The following TANC2 variants were observed in gnomAD, a reference collection of about 807,000 sequenced individuals.
TANC2 encodes tetratricopeptide repeat, ankyrin repeat and coiled-coil containing 2, also known as protein TANC2.
A neutral mutation model predicts 210.5 loss-of-function variants in TANC2; 26 were observed. The observed-to-expected ratio is 0.12, with a 90% confidence interval of 0.09 to 0.17. The LOEUF (loss-of-function observed/expected upper bound fraction) is 0.17. TANC2 is among the 10% of genes least tolerant of loss of function. The pLI, the probability that TANC2 is intolerant of heterozygous loss-of-function variation, is 1.00. For synonymous variants in TANC2, 931 were observed against 967.1 expected (o/e 0.96, Z 0.69); for missense variants, 2,129 against 2,608.9 (o/e 0.82, Z 4.01).
At chr17:62,972,651 A>G (rs1175705071) in intron 1 of TANC2, among the ~76,000 whole-genome samples, 1 of 152,072 alleles carries the variant, frequency 6.6e-6, no homozygotes, top group Non-Finnish European at 1.5e-5. Flanking sequence ...AGAATCTTTC[A>G]CTGGCTCCTC....
chr17:63,011,500 T>C (rs1056844475), intron 2 of TANC2, among the ~76,000 whole-genome samples: 5 of 152,304 alleles, frequency 3.3e-5, no homozygotes, highest in African/African-American at 1.2e-4. Context: ...AATTATTTAC[T>C]GAGAAAAGTG....
At chr17:63,259,287 G>A (rs2043290264) in intron 8 of TANC2, among the ~76,000 whole-genome samples, 1 of 152,082 alleles carries the variant, frequency 6.6e-6, no homozygotes, top group Non-Finnish European at 1.5e-5. Flanking sequence ...CACTGCTTGG[G>A]GTTAGTGGAG....
chr17:63,109,941 C>T (rs576092086), intron 4 of TANC2, among the ~76,000 whole-genome samples: 1 of 151,746 alleles, frequency 6.6e-6, no homozygotes, highest in East Asian at 1.9e-4. Flanking sequence ...GGAAAGCAGC[C>T]ATGATGTCTA....
In TANC2 at chr17:63,061,728, C is replaced by T. The variant is rs527735125; in HGVS notation, c.68-12215C>T. Among the ~76,000 whole-genome samples, 4 of 151,916 alleles carry T rather than the reference C, an allele frequency of 2.6e-5. No individual in the cohort carries two copies. The South Asian group carries it at 8.3e-4, about 32-fold the overall frequency. ...TTCTCTCTGGTTTTCTTTAGAGATT[C>T]CTATTTATCCTTATGCTGGACCATC... On this transcript the variant is annotated intron_variant, in intron 2 of 27. Coordinates refer to ENST00000689528, the Ensembl canonical transcript of TANC2.
At chr17:63,365,970 C>T (rs1035114198) in intron 14 of TANC2, among the ~76,000 whole-genome samples, 1 of 152,058 alleles carries the variant, frequency 6.6e-6, no homozygotes, top group Admixed American at 6.6e-5. Flanking sequence ...AAAATGAGCT[C>T]GATGAGGACA....
At chr17:63,354,099 A>G (rs750081963) in intron 13 of TANC2, among the ~76,000 whole-genome samples, 3 of 152,208 alleles carry the variant, frequency 2.0e-5, no homozygotes, top group Middle Eastern at 3.4e-3. Context: ...AGGAGAGGGA[A>G]TGGGTACTCA....
At chr17:63,093,460 C>G (rs1425420417) in intron 3 of TANC2, among the ~76,000 whole-genome samples, 1 of 151,996 alleles carries the variant, frequency 6.6e-6, no homozygotes, top group Non-Finnish European at 1.5e-5. Flanking sequence ...TAGACTGTTT[C>G]ATTCATTTTG....
At chr17:63,142,347 A>G (rs984841620) in intron 4 of TANC2, among the ~76,000 whole-genome samples, 2 of 152,050 alleles carry the variant, frequency 1.3e-5, no homozygotes, top group African/African-American at 4.8e-5. Flanking sequence ...CTTTCTGTGA[A>G]TTTGCCCATT....
intron 4 of TANC2, among the ~76,000 whole-genome samples, chr17:63,117,658 G>A (rs1221787035): frequency 6.6e-6 from 1 of 152,170 alleles, no homozygotes; most frequent in Non-Finnish European, 1.5e-5. Context: ...GGTCATTCCT[G>A]ATGTGTCAGG....
At position 63,293,364 on chromosome 17, in the gene TANC2, A is replaced by G. The variant is rs148982859; in HGVS notation, c.1160-21024A>G. Among the ~76,000 whole-genome samples, 322 of 152,334 alleles carry G rather than the reference A, an allele frequency of 2.1e-3. 1 individual carries two copies. The highest frequency in any genetic ancestry group is 7.0e-3 in the African/African-American group (293 of 41,578). ...TTATGTAGAGAATAGCATGCATGGA[A>G]TGAACCCCAAAAATAAGCCCCAAAT... is the stretch of plus-strand genomic sequence containing the variant. On this transcript the variant is annotated intron_variant, in intron 9 of 27. Transcript: ENST00000689528.
intron 4 of TANC2, among the ~76,000 whole-genome samples, chr17:63,111,106 G>A (rs1012582909): frequency 6.6e-6 from 1 of 152,142 alleles, no homozygotes; most frequent in South Asian, 2.1e-4. Context: ...GAGCTCAGGA[G>A]TTTGAGAATA....
At chr17:63,271,088 TCCATGTCTTTG>T (rs149694789) in intron 9 of TANC2, among the ~76,000 whole-genome samples, 22,771 of 152,142 alleles carry the variant, frequency 0.15, 2,012 homozygotes, top group Middle Eastern at 0.21. Flanking sequence ...TGAAGTTGAT[TCCATGTCTTTG>T]CTGTTGTGAA....
chr17:63,350,527 C>T (rs577761583), intron 12 of TANC2, among the ~76,000 whole-genome samples: 4 of 152,248 alleles, frequency 2.6e-5, no homozygotes, highest in Admixed American at 6.5e-5. Flanking sequence ...TTGTCAATGC[C>T]GGATCATGTG....
chr17:63,172,195 T>TC (rs2040426772), intron 5 of TANC2, among the ~76,000 whole-genome samples: 1 of 142,856 alleles, frequency 7.0e-6, no homozygotes, highest in African/African-American at 2.5e-5. Flanking sequence ...TTTCTTTTCT[T>TC]TTTTTTTTTT....
intron 15 of TANC2, among the ~76,000 whole-genome samples, chr17:63,380,352 A>C (rs1435903876): frequency 1.3e-5 from 2 of 152,210 alleles, no homozygotes; most frequent in Non-Finnish European, 2.9e-5. Context: ...CTATAACATC[A>C]GCTTCTCTCT....
chr17:63,386,942 T>C (rs1453534756), intron 15 of TANC2, among the ~76,000 whole-genome samples: 1 of 152,042 alleles, frequency 6.6e-6, no homozygotes, highest in Non-Finnish European at 1.5e-5. Flanking sequence ...AGCCTCAAAC[T>C]CCCGGGCTCA....
intron 17 of TANC2, 89 bp downstream of exon 17, chr17:63,389,633 T>A: frequency 7.8e-7 from 1 of 1,276,528 alleles, no homozygotes; most frequent in Non-Finnish European, 1.1e-6. Context: ...ACTTCATGAG[T>A]CTGGGTAGAG....
intron 8 of TANC2, among the ~76,000 whole-genome samples, chr17:63,252,742 A>G (rs1470318402): frequency 6.6e-6 from 1 of 152,114 alleles, no homozygotes; most frequent in Non-Finnish European, 1.5e-5. Context: ...TTATGTCTGA[A>G]TAGTACTTCA....
At chr17:63,099,242 T>G (rs1292553380) in exon 4 of TANC2, 10 of 1,610,186 alleles carry the variant, frequency 6.2e-6, no homozygotes, top group Non-Finnish European at 6.8e-6. Context: ...TTCCAGTGAG[T>G]GAAGGTATGC....
Sources: allele counts gnomAD v4.1 joint callset (sites outside exome capture counted in the v4.1 genomes callset), GRCh38; gene constraint gnomAD v4.1.1; transcripts MANE v1.5; gene names NCBI Gene and HGNC (gene_info 2026-07-23, HGNC 2026-07-21).